The following KCNIP1 variants were observed in gnomAD, a reference collection of about 807,000 sequenced individuals.
KCNIP1 encodes A-type potassium channel modulatory protein KCNIP1.
A neutral mutation model predicts 33.0 loss-of-function variants in KCNIP1; 18 were observed. The ratio of observed to expected loss-of-function variants is 0.55; its 90% CI spans 0.38 to 0.81. The LOEUF is 0.81. Among genes scored for constraint, KCNIP1 ranks in the 30% least tolerant of loss-of-function variants. The pLI is 0.00. For missense variants in KCNIP1, 238 were observed against 271.6 expected (o/e 0.88, Z 0.87); for synonymous variants, 93 against 98.3 (o/e 0.95, Z 0.32).
At chr5:170,696,321 G>C (rs1762891481) in intron 1 of KCNIP1, among the ~76,000 whole-genome samples, 1 of 151,996 alleles carries the variant, frequency 6.6e-6, no homozygotes, top group African/African-American at 2.4e-5. Flanking sequence ...GGACCATGTT[G>C]CTGATGCCTG....
intron 3 of KCNIP1, 89 bp from the exon 4 acceptor site, chr5:170,721,744 C>G (rs1488847671): frequency 6.2e-7 from 1 of 1,614,148 alleles, no homozygotes; most frequent in South Asian, 1.1e-5. Flanking sequence ...ACTCTCCTCT[C>G]TTTCTTGTCG....
At chr5:170,381,315 G>A (rs899978971) in intron 1 of KCNIP1, among the ~76,000 whole-genome samples, 1 of 152,234 alleles carries the variant, frequency 6.6e-6, no homozygotes, top group African/African-American at 2.4e-5. Flanking sequence ...GCCCTGCAGT[G>A]TAAGGTCCCC....
intron 1 of KCNIP1, among the ~76,000 whole-genome samples, chr5:170,534,972 C>T (rs1755924614): frequency 6.6e-6 from 1 of 152,144 alleles, no homozygotes; most frequent in Admixed American, 6.5e-5. Context: ...GTTTCCTCCA[C>T]AGGCAGTAGC....
intron 1 of KCNIP1, among the ~76,000 whole-genome samples, chr5:170,714,898 T>A (rs1763593634): frequency 6.6e-6 from 1 of 151,752 alleles, no homozygotes; most frequent in Non-Finnish European, 1.5e-5. Context: ...GAAAAAAAAA[T>A]TTATTAATTT....
At chr5:170,621,869 A>G (rs1368274570) in intron 1 of KCNIP1, among the ~76,000 whole-genome samples, 1 of 152,160 alleles carries the variant, frequency 6.6e-6, no homozygotes, top group Admixed American at 6.5e-5. Context: ...AGGCCCAGAA[A>G]TGAGAGGAGA....
intron 1 of KCNIP1, among the ~76,000 whole-genome samples, chr5:170,629,723 G>C (rs1473547899): frequency 6.6e-6 from 1 of 151,904 alleles, no homozygotes. Context: ...CCACAACCCC[G>C]GCACCAGCAC....
At chr5:170,462,108 T>A (rs1335914717) in intron 1 of KCNIP1, among the ~76,000 whole-genome samples, 4 of 151,886 alleles carry the variant, frequency 2.6e-5, no homozygotes, top group Non-Finnish European at 4.4e-5. Context: ...CAAAGATAAA[T>A]AGCTGGGACT....
intron 1 of KCNIP1, among the ~76,000 whole-genome samples, chr5:170,452,399 G>A (rs1367091751): frequency 6.6e-6 from 1 of 152,224 alleles, no homozygotes; most frequent in African/African-American, 2.4e-5. Context: ...CTCAGATGAT[G>A]AAGGTAGCCA....
intron 1 of KCNIP1, among the ~76,000 whole-genome samples, chr5:170,456,525 T>G (rs920831326): frequency 1.3e-5 from 2 of 151,978 alleles, no homozygotes; most frequent in Admixed American, 1.3e-4. Flanking sequence ...TAGACTTCTA[T>G]CTTAAGACGC....
intron 1 of KCNIP1, among the ~76,000 whole-genome samples, chr5:170,650,778 C>G (rs1430307748): frequency 1.3e-5 from 2 of 152,024 alleles, no homozygotes; most frequent in Non-Finnish European, 2.9e-5. Flanking sequence ...CATTTTATAC[C>G]CACCAGCTCT....
intron 1 of KCNIP1, among the ~76,000 whole-genome samples, chr5:170,598,902 C>CGTGT (rs1251870404): frequency 3.0e-4 from 15 of 50,430 alleles, no homozygotes; most frequent in African/African-American, 9.6e-4. Flanking sequence ...TGTGTGTGTG[C>CGTGT]GCGTGTGTGT....
intron 1 of KCNIP1, among the ~76,000 whole-genome samples, chr5:170,524,167 T>G (rs1755483789): frequency 6.6e-6 from 1 of 152,180 alleles, no homozygotes; most frequent in Admixed American, 6.5e-5. Context: ...TTCCCAAGGT[T>G]GGAGTCCTTC....
intron 1 of KCNIP1, among the ~76,000 whole-genome samples, chr5:170,356,789 C>T (rs1009564272): frequency 5.3e-5 from 8 of 152,210 alleles, no homozygotes; most frequent in African/African-American, 1.9e-4. Flanking sequence ...ACGGCACAGA[C>T]ACCAGCCGTC....
chr5:170,734,031 GCAA>G (rs887026322), intron 7 of KCNIP1, 133 bp downstream of exon 7: 10 of 656,742 alleles, frequency 1.5e-5, no homozygotes, highest in Non-Finnish European at 2.6e-5. Flanking sequence ...AACAACACCA[GCAA>G]CAACTGTGAA....
intron 1 of KCNIP1, among the ~76,000 whole-genome samples, chr5:170,577,407 A>G (rs1318224164): frequency 1.3e-5 from 2 of 152,218 alleles, no homozygotes; most frequent in African/African-American, 4.8e-5. Flanking sequence ...TTAAATCCAG[A>G]CTTCTGTTGC....
At chr5:170,643,049 G>A (rs1462533628) in intron 1 of KCNIP1, among the ~76,000 whole-genome samples, 3 of 152,184 alleles carry the variant, frequency 2.0e-5, no homozygotes, top group Non-Finnish European at 4.4e-5. Flanking sequence ...CCTGAGATTG[G>A]GAGACATTAT....
At chr5:170,480,536 T>C (rs1756954245) in intron 1 of KCNIP1, among the ~76,000 whole-genome samples, 1 of 151,078 alleles carries the variant, frequency 6.6e-6, no homozygotes, top group African/African-American at 2.4e-5. Context: ...GAGTGCAGTG[T>C]TGTGATCTCG....
chr5:170,467,048 G>A (rs1490083806), intron 1 of KCNIP1, among the ~76,000 whole-genome samples: 1 of 152,184 alleles, frequency 6.6e-6, no homozygotes, highest in African/African-American at 2.4e-5. Context: ...GGCATTGGAT[G>A]TGATGACATG....
At chr5:170,727,900 C>T (rs2113887723) in intron 5 of KCNIP1, among the ~76,000 whole-genome samples, 1 of 152,292 alleles carries the variant, frequency 6.6e-6, no homozygotes, top group South Asian at 2.1e-4. Flanking sequence ...ATAATCACTG[C>T]ACCACACTCC....
Sources: allele counts gnomAD v4.1 joint callset (sites outside exome capture counted in the v4.1 genomes callset), GRCh38; gene constraint gnomAD v4.1.1; transcripts MANE v1.5; gene names NCBI Gene and HGNC (gene_info 2026-07-23, HGNC 2026-07-21).